The following AFF3 variants were observed in gnomAD, a reference collection of about 807,000 sequenced individuals.
AFF3 encodes the protein ALF transcription elongation factor 3.
Under a neutral mutation model 129.7 loss-of-function variants are expected in AFF3, and 32 were observed. That is an observed-to-expected ratio of 0.25 (90% CI 0.19 to 0.33). AFF3 has a LOEUF of 0.33. AFF3 is among the 10% of genes least tolerant of loss of function. The probability of loss-of-function intolerance (pLI) is 1.00; values close to 1 mark genes in which losing one functional copy is unlikely to be tolerated. For missense variants in AFF3, 1,373 were observed against 1,592.0 expected, an observed-to-expected ratio of 0.86 and a Z score of 2.34; for synonymous variants, 644 against 635.4, an observed-to-expected ratio of 1.01 and a Z score of -0.20.
intron 4 of AFF3, among the ~76,000 whole-genome samples, chr2:100,092,250 C>G (rs913211188): frequency 1.3e-5 from 2 of 151,944 alleles, no homozygotes; most frequent in African/African-American, 4.8e-5. Context: ...ATCACACAAG[C>G]TAGATAGCCT....
intron 11 of AFF3, among the ~76,000 whole-genome samples, chr2:99,694,704 AT>A (rs142893716): frequency 6.6e-6 from 1 of 152,156 alleles, no homozygotes; most frequent in East Asian, 1.9e-4. Flanking sequence ...AACCCAACGA[AT>A]TTTTTTGTTT....
chr2:99,593,371 T>G lies in AFF3; in HGVS notation c.2290A>C (p.Arg764=). ...LSPLKDSDEI[R]SLWVKIDLTL... ...AGGTCGATTTTGACCCAGAGAGACC[T>G]GATCTCATCACTGTCCTTTAGAGGG... The change falls in exon 15 of 25, where the codon AGG becomes CGG. Residue 764 remains arginine (R), a synonymous_variant. Coordinates refer to ENST00000672756, the MANE Select transcript of AFF3 (RefSeq NM_001386135.1). 6.2e-7 allele frequency: 1 copy of G among 1,614,064 alleles called. No individual in the cohort carries two copies. Among genetic ancestry groups the G allele is most frequent in the South Asian group, 1.1e-5 (1 of 91,066 alleles).
intron 11 of AFF3, among the ~76,000 whole-genome samples, chr2:99,714,062 G>T (rs777253686): frequency 3.1e-4 from 47 of 152,234 alleles, no homozygotes; most frequent in South Asian, 1.2e-3. Flanking sequence ...TTCCAATGTC[G>T]TGCCAGAACA....
intron 13 of AFF3, among the ~76,000 whole-genome samples, chr2:99,645,166 C>T (rs1013942131): frequency 5.3e-5 from 8 of 152,116 alleles, no homozygotes; most frequent in African/African-American, 1.7e-4. Context: ...GAAGCCCCCC[C>T]TCTACGAAAA....
intron 13 of AFF3, among the ~76,000 whole-genome samples, chr2:99,632,008 C>CTTTTTTTTTTTT (rs745651225): frequency 1.3e-5 from 1 of 76,884 alleles, no homozygotes; most frequent in African/African-American, 5.5e-5. Context: ...CTTGCCAACA[C>CTTTTTTTTTTTT]TTTTTTTTTT....
chr2:99,666,886 A>G (rs1403540689), intron 12 of AFF3, among the ~76,000 whole-genome samples: 2 of 152,198 alleles, frequency 1.3e-5, no homozygotes, highest in African/African-American at 4.8e-5. Context: ...CAACTAACAG[A>G]GCTGTGAAAT....
intron 4 of AFF3, among the ~76,000 whole-genome samples, chr2:100,038,935 GCTGGTCTTGAA>G (rs751566258): frequency 1.3e-5 from 2 of 152,034 alleles, no homozygotes; most frequent in Non-Finnish European, 2.9e-5. Flanking sequence ...TGTTGGCCAG[GCTGGTCTTGAA>G]CTCCTGACAT....
At chr2:100,055,128 T>C (rs1248462487) in intron 4 of AFF3, among the ~76,000 whole-genome samples, 1 of 152,194 alleles carries the variant, frequency 6.6e-6, no homozygotes, top group East Asian at 1.9e-4. Flanking sequence ...CCTTAACTCA[T>C]TTTCACATCC....
Position 99,860,721 on chromosome 2 carries a change from G to A in AFF3, c.874-23197C>T, listed in dbSNP as rs376211867. Among the ~76,000 whole-genome samples the A allele has an allele frequency of 2.3e-4, 34 of 149,998 alleles. No individual in the cohort carries two copies. In the East Asian group the frequency reaches 5.5e-3, roughly 24 times the overall value. ...GCCTGGGCAACAAGAGTAAAACTCC[G>A]TCTCAAGAAAAAAAAAAAAATTAAA... On this transcript the variant is annotated intron_variant, in intron 7 of 24. Coordinates refer to ENST00000672756, the MANE Select transcript of AFF3 (RefSeq NM_001386135.1).
intron 8 of AFF3, among the ~76,000 whole-genome samples, chr2:99,794,010 C>T (rs1685389764): frequency 1.3e-5 from 2 of 152,332 alleles, no homozygotes; most frequent in South Asian, 4.1e-4. Flanking sequence ...ATGATTTCTT[C>T]TTTGACACAT....
intron 11 of AFF3, among the ~76,000 whole-genome samples, chr2:99,716,324 G>T (rs1041583440): frequency 6.6e-6 from 1 of 152,162 alleles, no homozygotes; most frequent in Non-Finnish European, 1.5e-5. Flanking sequence ...AGAGCTCTGG[G>T]ATAGTAGCAG....
At chr2:99,766,551 T>C (rs1683038392) in intron 8 of AFF3, among the ~76,000 whole-genome samples, 1 of 152,240 alleles carries the variant, frequency 6.6e-6, no homozygotes, top group South Asian at 2.1e-4. Context: ...TCTTTTCTTT[T>C]TCTTTTCTTT....
At chr2:99,645,152 T>C (rs1180377161) in intron 13 of AFF3, among the ~76,000 whole-genome samples, 2 of 151,988 alleles carry the variant, frequency 1.3e-5, no homozygotes, top group African/African-American at 2.4e-5. Context: ...CTGGGCAACA[T>C]GGTGAAGCCC....
intron 20 of AFF3, among the ~76,000 whole-genome samples, chr2:99,561,505 A>C (rs1255198568): frequency 6.6e-6 from 1 of 152,194 alleles, no homozygotes; most frequent in African/African-American, 2.4e-5. Flanking sequence ...CCCACTTAAA[A>C]ATAGCATTGT....
chr2:100,031,553 T>C (rs949018872), intron 4 of AFF3, among the ~76,000 whole-genome samples: 2 of 152,184 alleles, frequency 1.3e-5, no homozygotes, highest in African/African-American at 2.4e-5. Context: ...TCATTTCTAA[T>C]AGAACCAGGG....
At chr2:99,752,609 T>C (rs552229028) in intron 8 of AFF3, among the ~76,000 whole-genome samples, 2 of 152,302 alleles carry the variant, frequency 1.3e-5, no homozygotes, top group Non-Finnish European at 2.9e-5. Flanking sequence ...AAAAGTTCTA[T>C]GGAAAATGCC....
intron 4 of AFF3, among the ~76,000 whole-genome samples, chr2:100,071,524 C>G (rs141577315): frequency 1.3e-5 from 2 of 152,228 alleles, no homozygotes; most frequent in East Asian, 3.9e-4. Context: ...CCACGAAACA[C>G]GTCGGGAGAG....
chr2:99,843,680 C>A (rs1355461462), intron 7 of AFF3, among the ~76,000 whole-genome samples: 1 of 151,988 alleles, frequency 6.6e-6, no homozygotes, highest in Non-Finnish European at 1.5e-5. Flanking sequence ...TATCATAAAT[C>A]CAGAAAAACT....
chr2:99,976,026 C>T (rs1277273519), intron 7 of AFF3, among the ~76,000 whole-genome samples: 1 of 152,030 alleles, frequency 6.6e-6, no homozygotes, highest in Non-Finnish European at 1.5e-5. Context: ...ACCAGAAGAG[C>T]TCATTTTCCT....
Sources: gnomAD v4.1 joint callset for allele counts (sites outside exome capture counted in the v4.1 genomes callset) on GRCh38, gnomAD v4.1.1 for gene constraint, MANE v1.5 for transcripts, NCBI Gene and HGNC (gene_info 2026-07-23, HGNC 2026-07-21) for gene names.